The following DNAH11 variants were observed in gnomAD, a reference collection of about 807,000 sequenced individuals.
The protein encoded by DNAH11 is axonemal beta dynein heavy chain 11.
DNAH11 carries 442 observed loss-of-function variants against 526.0 expected under a neutral mutation model. That is an observed-to-expected ratio of 0.84 (90% CI 0.78 to 0.91). DNAH11 has a LOEUF of 0.91. Ranked by LOEUF, DNAH11 falls within the 40% of genes least tolerant of loss-of-function variation. DNAH11 has a pLI of 0.00. For synonymous variants in DNAH11, 2,461 were observed against 1,935.9 expected, an observed-to-expected ratio of 1.27 and a Z score of -7.12; for missense variants, 6,989 against 5,448.7, an observed-to-expected ratio of 1.28 and a Z score of -8.90.
chr7:21,826,675 G>A (rs1583743149), intron 65 of DNAH11, among the ~76,000 whole-genome samples: 1 of 152,022 alleles, frequency 6.6e-6, no homozygotes, highest in East Asian at 1.9e-4. Context: ...GTAAAGACAA[G>A]AGATAGCATT....
intron 7 of DNAH11, among the ~76,000 whole-genome samples, chr7:21,571,299 G>A (rs2128436879): frequency 6.6e-6 from 1 of 152,150 alleles, no homozygotes; most frequent in East Asian, 1.9e-4. Context: ...CTTTTTTTTA[G>A]AGACAGGGTC....
At chr7:21,602,130 C>T (rs928071566) in intron 18 of DNAH11, among the ~76,000 whole-genome samples, 3 of 151,908 alleles carry the variant, frequency 2.0e-5, no homozygotes, top group East Asian at 1.9e-4. Flanking sequence ...ACCTGAGGTT[C>T]GGAGTTCAAG....
intron 14 of DNAH11, among the ~76,000 whole-genome samples, chr7:21,596,034 A>T (rs1784848109): frequency 1.3e-5 from 2 of 152,248 alleles, no homozygotes; most frequent in South Asian, 2.1e-4. Context: ...TCTAGTGGAT[A>T]TGGAGAAGAA....
chr7:21,723,776 T>A (rs959536381), intron 44 of DNAH11, among the ~76,000 whole-genome samples: 1 of 149,000 alleles, frequency 6.7e-6, no homozygotes, highest in African/African-American at 2.5e-5. Context: ...AGGGTCCAGT[T>A]TCTTGAGCAC....
In DNAH11 at chr7:21,765,551, G is replaced by A. The variant is rs757486099; in HGVS notation, c.9064G>A (p.Val3022Ile). 59 of 1,609,996 alleles carry A rather than the reference G, an allele frequency of 3.7e-5. No homozygotes were observed. The highest frequency in any genetic ancestry group is 5.4e-5 in the African/African-American group (4 of 74,634). ...GTGGCCGCAGGAGGCTCTGGTCTCC[G>A]TCAGCAGGAGGTTCATTGAGGAAAC... is the stretch of plus-strand genomic sequence containing the variant. ...HAWPQEALVS[V>I]SRRFIEETKG... is the part of the protein sequence containing the mutation. Residue 3022 changes from valine (V) to isoleucine (I), a missense_variant, in exon 55 of 82, where the codon GTC becomes ATC. Val to Ile is a conservative substitution (Grantham distance 29). Transcript: ENST00000409508.
In DNAH11 at chr7:21,617,786, C is replaced by G. The variant is rs1227464376; in HGVS notation, c.4254+9C>G. 1.1e-5 allele frequency: 17 copies of G among 1,572,354 alleles called. No homozygotes were observed. The highest frequency in any genetic ancestry group is 1.2e-5 in the Non-Finnish European group (14 of 1,161,280). On this transcript the variant is annotated intron_variant, in intron 23 of 81. Transcript: ENST00000409508. ...TGATGAAAGCTATTGGGGTCAGTAT[C>G]CTTGGTCTCACTAATGAACCTTTTT...
intron 36 of DNAH11, among the ~76,000 whole-genome samples, chr7:21,701,042 G>T (rs1437867917): frequency 1.3e-5 from 2 of 152,134 alleles, no homozygotes; most frequent in East Asian, 3.9e-4. Context: ...AACCACCATG[G>T]TACGTGTATA....
intron 65 of DNAH11, among the ~76,000 whole-genome samples, chr7:21,820,445 C>T (rs1657638352): frequency 6.6e-6 from 1 of 152,124 alleles, no homozygotes; most frequent in African/African-American, 2.4e-5. Context: ...ATGCAAGACT[C>T]AAAAGTTAAG....
intron 30 of DNAH11, among the ~76,000 whole-genome samples, chr7:21,676,210 G>T (rs1481571138): frequency 2.6e-5 from 4 of 152,192 alleles, no homozygotes; most frequent in African/African-American, 9.7e-5. Context: ...ATGAAGCCAA[G>T]ATGTCCCAGG....
At chr7:21,899,931 C>T in intron 80 of DNAH11, 49 bp from the exon 81 acceptor site, 1 of 1,599,324 alleles carries the variant, frequency 6.3e-7, no homozygotes, top group South Asian at 1.1e-5. Context: ...TCCCGGGAAC[C>T]TTACATGCAA....
intron 25 of DNAH11, among the ~76,000 whole-genome samples, chr7:21,626,745 C>CTTTTTTTTT (rs34136253): frequency 1.5e-5 from 1 of 66,384 alleles, no homozygotes; most frequent in Non-Finnish European, 2.7e-5. Context: ...TTCTGTATGT[C>CTTTTTTTTT]TTTTTTTTTT....
intron 1 of DNAH11, chr7:21,543,882 C>G: frequency 2.2e-6 from 1 of 461,504 alleles, no homozygotes; most frequent in East Asian, 4.1e-5. Context: ...CTTTCTTTAG[C>G]TGCTTGGGTG....
intron 1 of DNAH11, among the ~76,000 whole-genome samples, chr7:21,544,314 A>C (rs867301402): frequency 5.3e-5 from 8 of 152,214 alleles, no homozygotes; most frequent in African/African-American, 1.4e-4. Flanking sequence ...TCGTTTTATC[A>C]CTAGGTGTGG....
intron 61 of DNAH11, among the ~76,000 whole-genome samples, chr7:21,799,332 A>G (rs1032954889): frequency 1.3e-5 from 2 of 151,716 alleles, no homozygotes; most frequent in African/African-American, 4.8e-5. Flanking sequence ...TTTTTACTTC[A>G]ATCTTATTTC....
At chr7:21,606,297 T>A in intron 18 of DNAH11, 129 bp from the exon 19 acceptor site, 1 of 757,826 alleles carries the variant, frequency 1.3e-6, no homozygotes, top group Middle Eastern at 3.8e-4. Context: ...CACTCCAGCC[T>A]AGGGGATAGA....
At chr7:21,601,686 A>C in intron 18 of DNAH11, 68 bp downstream of exon 18, 1 of 1,206,056 alleles carries the variant, frequency 8.3e-7, no homozygotes, top group Non-Finnish European at 1.1e-6. Flanking sequence ...AGTACTTTAC[A>C]TGTACTCTCT....
At chr7:21,810,515 A>G (rs1286078410) in intron 63 of DNAH11, among the ~76,000 whole-genome samples, 1 of 152,206 alleles carries the variant, frequency 6.6e-6, no homozygotes, top group Non-Finnish European at 1.5e-5. Flanking sequence ...ACCAAAGGAA[A>G]TTGAAATCAG....
At chr7:21,563,392 A>G (rs1290823102) in intron 5 of DNAH11, among the ~76,000 whole-genome samples, 1 of 151,878 alleles carries the variant, frequency 6.6e-6, no homozygotes, top group Non-Finnish European at 1.5e-5. Flanking sequence ...AGTTTTTTGT[A>G]GAGATGGGGT....
chr7:21,658,130 T>G (rs995401809), intron 29 of DNAH11, among the ~76,000 whole-genome samples: 1 of 152,086 alleles, frequency 6.6e-6, no homozygotes. Flanking sequence ...CTAAGTTGTA[T>G]TTTTGGGCGC....
Sources: allele counts gnomAD v4.1 joint callset (sites outside exome capture counted in the v4.1 genomes callset), GRCh38; gene constraint gnomAD v4.1.1; transcripts MANE v1.5; gene names NCBI Gene and HGNC (gene_info 2026-07-23, HGNC 2026-07-21).